ANK2: variants seen among roughly 807,000 people sequenced by gnomAD.
The protein encoded by ANK2 is ankyrin-2.
Under a neutral mutation model 360.5 loss-of-function variants are expected in ANK2, and 83 were observed. The observed-to-expected ratio is 0.23, with a 90% confidence interval of 0.19 to 0.28. The LOEUF is 0.28. ANK2 is among the 10% of genes least tolerant of loss of function. ANK2 has a pLI of 1.00. For synonymous variants in ANK2, 1,740 were observed against 1,759.5 expected (o/e 0.99, Z 0.28); for missense variants, 4,201 against 4,795.7 (o/e 0.88, Z 3.66).
chr4:113,199,405 T>C (rs1042197789), intron 4 of ANK2, among the ~76,000 whole-genome samples: 3 of 152,136 alleles, frequency 2.0e-5, no homozygotes, highest in African/African-American at 7.2e-5. Flanking sequence ...CTGTGAAATA[T>C]GAATTATTCA....
intron 2 of ANK2, among the ~76,000 whole-genome samples, chr4:113,005,901 C>T (rs544629528): frequency 2.2e-4 from 33 of 152,226 alleles, no homozygotes; most frequent in African/African-American, 7.5e-4. Context: ...TTCCCTCTTG[C>T]TCCCTCTTTC....
chr4:112,850,250 ATCT>A (rs2064368944), intron 1 of ANK2, among the ~76,000 whole-genome samples: 132 of 33,060 alleles, frequency 4.0e-3, no homozygotes, highest in Admixed American at 8.4e-3. Flanking sequence ...AAGAAATTTC[ATCT>A]ATCTATCTAT....
At chr4:113,203,807 G>T (rs1478044139) in intron 4 of ANK2, among the ~76,000 whole-genome samples, 1 of 152,002 alleles carries the variant, frequency 6.6e-6, no homozygotes, top group South Asian at 2.1e-4. Context: ...AGGCAATATT[G>T]CTTCTCATAG....
intron 2 of ANK2, among the ~76,000 whole-genome samples, chr4:113,015,967 A>G (rs543280444): frequency 6.6e-6 from 1 of 152,354 alleles, no homozygotes; most frequent in South Asian, 2.1e-4. Context: ...TCAGAAAGAA[A>G]GATGTAAAAC....
intron 23 of ANK2, among the ~76,000 whole-genome samples, chr4:113,309,640 T>A (rs925898256): frequency 6.6e-6 from 1 of 152,072 alleles, no homozygotes; most frequent in African/African-American, 2.4e-5. Flanking sequence ...CACTTCAGCC[T>A]CCCAAGTAGC....
At chr4:112,887,021 G>GT (rs1359203653) in intron 1 of ANK2, among the ~76,000 whole-genome samples, 5 of 152,008 alleles carry the variant, frequency 3.3e-5, no homozygotes, top group Admixed American at 1.3e-4. Flanking sequence ...CAAATGGTAG[G>GT]TTTTTTTCAA....
Position 113,375,310 on chromosome 4 carries a change from TAGC to T in ANK2, c.11859+1862_11859+1864del, listed in dbSNP as rs1409754860. Reference sequence around the variant, plus strand: ...TAAAGACATTGCAAATTATATTTGCTAGCCAGTCTTTTCAAATATAATCTGTGA... The same window carrying T: ...TAAAGACATTGCAAATTATATTTGCTCAGTCTTTTCAAATATAATCTGTGA... On this transcript the variant is annotated intron_variant, in intron 45 of 45. Coordinates refer to ENST00000357077, the MANE Select transcript of ANK2 (RefSeq NM_001148.6). 6.6e-5 allele frequency among the ~76,000 whole-genome samples: 10 copies of T among 152,350 alleles called. No individual in the cohort carries two copies. In the East Asian group the frequency reaches 1.2e-3, roughly 18 times the overall value.
At chr4:113,033,509 AAGTTAGTGTTATTGTCACATGCCT>A (rs2060881040) in intron 2 of ANK2, among the ~76,000 whole-genome samples, 1 of 152,012 alleles carries the variant, frequency 6.6e-6, no homozygotes, top group African/African-American at 2.4e-5. Context: ...ATCAAATGAT[AAGTTAGTGTTATTGTCACATGCCT>A]AGTTATATCT....
Position 113,111,879 on chromosome 4 carries a change from C to T in ANK2, c.84+62067C>T, listed in dbSNP as rs112498763. On this transcript the variant is annotated intron_variant, in intron 1 of 45. Transcript: ENST00000357077. ...AGTCACTGTAGATTATACAAAGTGA[C>T]TGAGGTGTTCCAGGAAGGCTGAAAA... Among the ~76,000 whole-genome samples, 18 of 152,230 alleles carry T rather than the reference C, an allele frequency of 1.2e-4. No individual in the cohort carries two copies. In the South Asian group the frequency reaches 2.7e-3, roughly 23 times the overall value.
At chr4:113,129,067 C>G (rs2095846774) in intron 1 of ANK2, among the ~76,000 whole-genome samples, 1 of 152,010 alleles carries the variant, frequency 6.6e-6, no homozygotes, top group South Asian at 2.1e-4. Context: ...ACTGAATACA[C>G]AGAAATCTGA....
At chr4:113,309,564 G>C (rs887333901) in intron 23 of ANK2, among the ~76,000 whole-genome samples, 1 of 152,112 alleles carries the variant, frequency 6.6e-6, no homozygotes, top group African/African-American at 2.4e-5. Context: ...TGTTGCCCAG[G>C]CTGTAGTGCA....
At chr4:113,317,864 T>C (rs966934839) in intron 25 of ANK2, 55 bp downstream of exon 25, 4 of 1,420,452 alleles carry the variant, frequency 2.8e-6, no homozygotes, top group Non-Finnish European at 4.0e-6. Flanking sequence ...TGTAACATTA[T>C]TGGATGCTAG....
In ANK2 at chr4:113,241,991, A is replaced by G. The variant is rs866914138; in HGVS notation, c.793-120A>G. Reference sequence around the variant, plus strand: ...TAAAAATCAAAGACATAGAAAGAGTAGAAACTGTGGATCAAATTACCACGT... The same window carrying G: ...TAAAAATCAAAGACATAGAAAGAGTGGAAACTGTGGATCAAATTACCACGT... On this transcript the variant is annotated intron_variant, in intron 8 of 45. Coordinates refer to ENST00000357077, the MANE Select transcript of ANK2 (RefSeq NM_001148.6). The G allele has an allele frequency of 7.8e-6, 6 of 772,848 alleles. No individual in the cohort carries two copies. In the Middle Eastern group the frequency reaches 1.4e-3, roughly 175 times the overall value. The allele number at this position is 772,848 out of a possible 1,614,324, so 47.9% of individuals were successfully genotyped here.
chr4:112,845,420 A>G (rs950456295), intron 1 of ANK2, among the ~76,000 whole-genome samples: 24 of 152,086 alleles, frequency 1.6e-4, no homozygotes, highest in Admixed American at 1.3e-3. Context: ...AATATAGAAT[A>G]GATTTCTTCC....
chr4:112,865,729 C>T (rs751903905), intron 1 of ANK2, among the ~76,000 whole-genome samples: 3 of 152,068 alleles, frequency 2.0e-5, no homozygotes, highest in Middle Eastern at 3.2e-3. Context: ...TGTAAATATT[C>T]TTATATACCT....
chr4:112,912,145 C>G (rs1241689785), intron 2 of ANK2, among the ~76,000 whole-genome samples: 1 of 151,550 alleles, frequency 6.6e-6, no homozygotes, highest in East Asian at 1.9e-4. Context: ...CCACTGCACT[C>G]CAGCCTGGGT....
intron 1 of ANK2, among the ~76,000 whole-genome samples, chr4:113,104,466 C>A (rs779620302): frequency 2.6e-5 from 4 of 152,146 alleles, no homozygotes; most frequent in African/African-American, 7.2e-5. Flanking sequence ...GTAATCCCAG[C>A]ACTTTGGGAT....
At chr4:112,850,325 T>C (rs76335116) in intron 1 of ANK2, among the ~76,000 whole-genome samples, 11 of 78,796 alleles carry the variant, frequency 1.4e-4, no homozygotes, top group African/African-American at 3.1e-4. Context: ...ATCCATCCAT[T>C]CATCTGTCCA....
intron 2 of ANK2, among the ~76,000 whole-genome samples, chr4:112,941,398 T>G (rs1283106498): frequency 6.9e-6 from 1 of 145,264 alleles, no homozygotes; most frequent in Non-Finnish European, 1.5e-5. Flanking sequence ...GAGTATGAAC[T>G]ATATGAACCT....
Sources: gnomAD v4.1 joint callset for allele counts (sites outside exome capture counted in the v4.1 genomes callset) on GRCh38, gnomAD v4.1.1 for gene constraint, MANE v1.5 for transcripts, NCBI Gene and HGNC (gene_info 2026-07-23, HGNC 2026-07-21) for gene names.